HES3: variants seen among roughly 807,000 people sequenced by gnomAD.
The protein encoded by HES3 is transcription factor HES-3.
A neutral mutation model predicts 8.0 loss-of-function variants in HES3; 6 were observed. The observed-to-expected ratio is 0.75, with a 90% confidence interval of 0.41 to 1.49. The LOEUF (loss-of-function observed/expected upper bound fraction) is 1.49. HES3 is among the 40% of genes most tolerant of loss of function. The pLI is 0.01. For missense variants in HES3, 266 were observed against 260.9 expected, an observed-to-expected ratio of 1.02 and a Z score of -0.13; for synonymous variants, 121 against 119.4, an observed-to-expected ratio of 1.01 and a Z score of -0.09.
rs1385883833 is a variant in HES3, at chr1:6,245,252, C to G, written c.306C>G (p.Ser102Arg). 1.3e-6 allele frequency: 2 copies of G among 1,509,930 alleles called. No individual in the cohort carries two copies. The highest frequency in any genetic ancestry group is 2.5e-5 in the South Asian group (2 of 81,504). 93.5% of individuals were successfully genotyped at this position (1,509,930 alleles called of 1,614,324 possible). A position where few individuals can be genotyped will look rare whatever the true frequency, so the allele number is the denominator to read the frequency against. Residue 102 changes from serine to arginine, a missense_variant, in exon 4 of 4, where the codon AGC (serine) becomes AGG (arginine). Ser to Arg is a moderately radical substitution (Grantham distance 110, BLOSUM62 -1). Coordinates refer to ENST00000377898, the MANE Select transcript of HES3 (RefSeq NM_001024598.4). The part of the protein sequence containing the change: ...CPLVPESAAG[S>R]TMDSAGLGQE... ...TGGTGCCCGAGAGCGCCGCCGGCAG[C>G]ACCATGGACAGCGCCGGGTTGGGCC... is the stretch of plus-strand genomic sequence containing the variant.
rs564367771 is a variant in HES3, at chr1:6,245,099, C to T, written c.164-11C>T. Reference sequence around the variant, plus strand: ...CCCCTCCCTGTTTCTCGCGTCCGCTCTTCCCCACAGGGCTCTGGCCTGTGC... The same window carrying T: ...CCCCTCCCTGTTTCTCGCGTCCGCTTTTCCCCACAGGGCTCTGGCCTGTGC... On this transcript the variant is annotated splice_polypyrimidine_tract_variant and intron_variant, in intron 3 of 3. Transcript: ENST00000377898. 13 of 1,468,154 alleles carry T rather than the reference C, an allele frequency of 8.9e-6. No homozygotes were observed. Among genetic ancestry groups the T allele is most frequent in the African/African-American group, 8.7e-5 (6 of 69,324 alleles). The allele number at this position is 1,468,154 out of a possible 1,614,324, so 90.9% of individuals were successfully genotyped here. A position where few individuals can be genotyped will look rare whatever the true frequency, so the allele number is the denominator to read the frequency against.
In HES3 at chr1:6,245,298, C is replaced by G; in HGVS notation, c.352C>G (p.Arg118Gly). 4 of 1,501,280 alleles carry G rather than the reference C, an allele frequency of 2.7e-6. No individual in the cohort carries two copies. Among genetic ancestry groups the G allele is most frequent in the Non-Finnish European group, 3.5e-6 (4 of 1,133,832 alleles). The allele number at this position is 1,501,280 out of a possible 1,614,324, so 93.0% of individuals were successfully genotyped here. The stretch of plus-strand genomic sequence containing the variant: ...GGGCCAGGAGGCGCCCGCGCTGTTC[C>G]GCCCTTGCACCCCTGCCGTCTGGGC... ...GLGQEAPALF[R>G]PCTPAVWAPA... is the part of the protein sequence containing the mutation. The change falls in exon 4 of 4, where the codon CGC becomes GGC. Residue 118 changes from arginine (R) to glycine (G), a missense_variant. Transcript: ENST00000377898.
rs1442234856 is a variant in HES3 at position 6,245,260 on chromosome 1, A to G, written c.314A>G (p.Asp105Gly). The part of the protein sequence containing the change: ...VPESAAGSTM[D>G]SAGLGQEAPA... ...GAGAGCGCCGCCGGCAGCACCATGG[A>G]CAGCGCCGGGTTGGGCCAGGAGGCG... Residue 105 changes from aspartate (D) to glycine (G), a missense_variant, in exon 4 of 4, where the codon GAC (aspartate) becomes GGC (glycine). Physicochemically the swap from Asp to Gly is moderately conservative, Grantham distance 94. Transcript: ENST00000377898. 1 of 1,509,452 alleles carries G rather than the reference A, an allele frequency of 6.6e-7. No individual in the cohort carries two copies. Among genetic ancestry groups the G allele is most frequent in the African/African-American group, 1.4e-5 (1 of 69,910 alleles). The allele number at this position is 1,509,452 out of a possible 1,614,324, so 93.5% of individuals were successfully genotyped here.
At position 6,244,460 on chromosome 1, in the gene HES3, G is replaced by T. The variant is rs768343300; in HGVS notation, c.81+14G>T. 3 of 1,608,034 alleles carry T rather than the reference G, an allele frequency of 1.9e-6. No homozygotes were observed. The highest frequency in any genetic ancestry group is 1.7e-5 in the Admixed American group (1 of 59,962). ...TACTCGCACCAGGTGAGACTCAGGCGGGGTGGGGGTGGGTGGGTGATACGA... is the reference window on the plus strand; with the variant it reads ...TACTCGCACCAGGTGAGACTCAGGCTGGGTGGGGGTGGGTGGGTGATACGA... On this transcript the variant is annotated intron_variant, in intron 2 of 3. Transcript: ENST00000377898.
rs180888799 is a variant in HES3, at chr1:6,245,261, C to T, written c.315C>T (p.Asp105=). 7,146 of 1,508,658 alleles carry T rather than the reference C, an allele frequency of 4.7e-3. 27 individuals are homozygous for T. Among genetic ancestry groups the T allele is most frequent in the Middle Eastern group, 0.013 (68 of 5,284 alleles). 93.5% of individuals were successfully genotyped at this position (1,508,658 alleles called of 1,614,324 possible). Residue 105 remains aspartate, a synonymous_variant, in exon 4 of 4, where the codon GAC becomes GAT. Transcript: ENST00000377898. ...VPESAAGSTM[D]SAGLGQEAPA... Reference sequence around the variant, plus strand: ...AGAGCGCCGCCGGCAGCACCATGGACAGCGCCGGGTTGGGCCAGGAGGCGC... The same window carrying T: ...AGAGCGCCGCCGGCAGCACCATGGATAGCGCCGGGTTGGGCCAGGAGGCGC...
At position 6,244,394 on chromosome 1, in the gene HES3, A is replaced by G. The variant is rs114198341; in HGVS notation, c.29A>G (p.Asn10Ser). 0.012 allele frequency: 17,784 copies of G among 1,440,716 alleles called. 128 individuals carry two copies. Among genetic ancestry groups the G allele is most frequent in the Admixed American group, 0.027 (1,408 of 52,054 alleles). The allele number at this position is 1,440,716 out of a possible 1,614,324, so 89.2% of individuals were successfully genotyped here. Residue 10 changes from asparagine to serine, a missense_variant, in exon 2 of 4, where the codon AAT becomes AGT. Physicochemically the swap from Asn to Ser is conservative, Grantham distance 46. Transcript: ENST00000377898. Reference sequence around the variant, plus strand: ...GAGAAAAAGCGCCGGGCACGCATCAATGTGTCACTGGAGCAGCTCAAGTCG... The same window carrying G: ...GAGAAAAAGCGCCGGGCACGCATCAGTGTGTCACTGGAGCAGCTCAAGTCG... MEKKRRARI[N>S]VSLEQLKSLL...
intron 3 of HES3, 94 bp from the exon 4 acceptor site, chr1:6,245,016 T>TCCCCCCCCCCCCCCCCCCCCC: frequency 2.4e-5 from 1 of 41,288 alleles, no homozygotes; most frequent in South Asian, 2.2e-4. Context: ...CTTCCTCCCC[T>TCCCCCCCCCCCCCCCCCCCCC]CCCCTCCCTC....
chr1:6,245,397 T>C lies in HES3; in HGVS notation c.451T>C (p.Ser151Pro). 1 of 1,529,940 alleles carries C rather than the reference T, an allele frequency of 6.5e-7. No individual in the cohort carries two copies. The highest frequency in any genetic ancestry group is 2.5e-5 in the East Asian group (1 of 39,552). The allele number at this position is 1,529,940 out of a possible 1,614,324, so 94.8% of individuals were successfully genotyped here. The part of the protein sequence containing the change: ...LLLPESLPGS[S>P]ASVPPPQPAS... ...CCTCCCCGAAAGTCTCCCTGGCTCG[T>C]CCGCCAGCGTCCCCCCGCCGCAGCC... Residue 151 changes from serine (S) to proline (P), a missense_variant, in exon 4 of 4, where the codon TCC becomes CCC. By Grantham distance (74) the Ser-to-Pro change is moderately conservative. Coordinates refer to ENST00000377898, the MANE Select transcript of HES3 (RefSeq NM_001024598.4).
chr1:6,244,773 A>ATTT, intron 3 of HES3, 144 bp downstream of exon 3: 1 of 768,624 alleles, frequency 1.3e-6, no homozygotes, highest in Non-Finnish European at 2.2e-6. Flanking sequence ...AAGACAGCAA[A>ATTT]TATAAAGAGG....
In HES3 at chr1:6,244,410, G is replaced by A; in HGVS notation, c.45G>A (p.Gln15=). 3 of 1,566,382 alleles carry A rather than the reference G, an allele frequency of 1.9e-6. No homozygotes were observed. Among genetic ancestry groups the A allele is most frequent in the Non-Finnish European group, 2.6e-6 (3 of 1,152,770 alleles). ...RRARINVSLE[Q]LKSLLEKHYS... ...CACGCATCAATGTGTCACTGGAGCAGCTCAAGTCGCTGCTGGAGAAACACT... is the reference window on the plus strand; with the variant it reads ...CACGCATCAATGTGTCACTGGAGCAACTCAAGTCGCTGCTGGAGAAACACT... Residue 15 remains glutamine, a synonymous_variant, in exon 2 of 4, where the codon CAG becomes CAA. Transcript: ENST00000377898.
chr1:6,244,659 G>A, intron 3 of HES3, 30 bp downstream of exon 3: 1 of 1,586,220 alleles, frequency 6.3e-7, no homozygotes, highest in Non-Finnish European at 8.6e-7. Flanking sequence ...GGAGGAGGGG[G>A]AGGCTTGTGG....
chr1:6,244,640 G>A lies in HES3; in HGVS notation c.163+11G>A, dbSNP rs774612364. ...AGAACTCCTTGCAAGGTATAGGGGA[G>A]GGCTGGAGGGAGGAGGGGGAGGCTT... On this transcript the variant is annotated intron_variant, in intron 3 of 3. Transcript: ENST00000377898. The A allele has an allele frequency of 6.2e-7, 1 of 1,609,512 alleles. No individual in the cohort carries two copies. Among genetic ancestry groups the A allele is most frequent in the Non-Finnish European group, 8.5e-7 (1 of 1,176,928 alleles).
Position 6,244,287 on chromosome 1 carries a change from G to A in HES3, c.-16+46G>A, listed in dbSNP as rs1478970159. ...AGGGGCAGGCACCCTTCCCCGGGAG[G>A]TGTGGGGGGGTGCCGAGGGCAGGAG... is the stretch of plus-strand genomic sequence containing the variant. On this transcript the variant is annotated intron_variant, in intron 1 of 3. Coordinates refer to ENST00000377898, the MANE Select transcript of HES3 (RefSeq NM_001024598.4). 3 of 1,326,504 alleles carry A rather than the reference G, an allele frequency of 2.3e-6. No individual in the cohort carries two copies. The African/African-American group carries it at 4.3e-5, about 19-fold the overall frequency. The allele number at this position is 1,326,504 out of a possible 1,614,324, so 82.2% of individuals were successfully genotyped here.
Position 6,244,213 on chromosome 1 carries a change from G to C in HES3, c.-44G>C. 3 of 674,168 alleles carry C rather than the reference G, an allele frequency of 4.4e-6. No homozygotes were observed. Among genetic ancestry groups the C allele is most frequent in the Non-Finnish European group, 5.3e-6 (2 of 380,186 alleles). 41.8% of individuals were successfully genotyped at this position (674,168 alleles called of 1,614,324 possible). A position where few individuals can be genotyped will look rare whatever the true frequency, so the allele number is the denominator to read the frequency against. ...AACATGGGCACGGAGCCTGCTGCCC[G>C]GGGCAGCCTCCCCGGCAACTTCCGA... On this transcript the variant is annotated 5_prime_UTR_variant, in exon 1 of 4. Coordinates refer to ENST00000377898, the MANE Select transcript of HES3 (RefSeq NM_001024598.4).
Position 6,245,510 on chromosome 1 carries a change from G to T in HES3, c.*3G>T. 1 of 1,484,452 alleles carries T rather than the reference G, an allele frequency of 6.7e-7. No homozygotes were observed. Among genetic ancestry groups the T allele is most frequent in the Non-Finnish European group, 8.8e-7 (1 of 1,130,756 alleles). The allele number at this position is 1,484,452 out of a possible 1,614,324, so 92.0% of individuals were successfully genotyped here. On this transcript the variant is annotated 3_prime_UTR_variant, in exon 4 of 4. Coordinates refer to ENST00000377898, the MANE Select transcript of HES3 (RefSeq NM_001024598.4). ...GCCCCGGGGATGACCTGAACTGAAGGCGCTCCCTATTTGGTCTCGCGACAC... is the reference window on the plus strand; with the variant it reads ...GCCCCGGGGATGACCTGAACTGAAGTCGCTCCCTATTTGGTCTCGCGACAC...
In HES3 at chr1:6,244,336, G is replaced by A. The variant is rs1423819826; in HGVS notation, c.-15-15G>A. ...AGGGTGGCAGTCCTGCACTCTAAAGGCTGTTCATCTGCAGATTTCCAAGCC... is the reference window on the plus strand; with the variant it reads ...AGGGTGGCAGTCCTGCACTCTAAAGACTGTTCATCTGCAGATTTCCAAGCC... On this transcript the variant is annotated splice_polypyrimidine_tract_variant and intron_variant, in intron 1 of 3. Coordinates refer to ENST00000377898, the MANE Select transcript of HES3 (RefSeq NM_001024598.4). 6.2e-7 allele frequency: 1 copy of A among 1,609,570 alleles called. No individual in the cohort carries two copies. Among genetic ancestry groups the A allele is most frequent in the East Asian group, 2.2e-5 (1 of 44,852 alleles).
At chr1:6,244,691 A>T in intron 3 of HES3, 62 bp downstream of exon 3, 1 of 1,448,050 alleles carries the variant, frequency 6.9e-7, no homozygotes, top group Non-Finnish European at 9.6e-7. Context: ...GGGATGCACA[A>T]GGCCAAATAA....
At position 6,244,338 on chromosome 1, in the gene HES3, T is replaced by C; in HGVS notation, c.-15-13T>C. Reference sequence around the variant, plus strand: ...GGTGGCAGTCCTGCACTCTAAAGGCTGTTCATCTGCAGATTTCCAAGCCGC... The same window carrying C: ...GGTGGCAGTCCTGCACTCTAAAGGCCGTTCATCTGCAGATTTCCAAGCCGC... On this transcript the variant is annotated splice_polypyrimidine_tract_variant and intron_variant, in intron 1 of 3. Coordinates refer to ENST00000377898, the MANE Select transcript of HES3 (RefSeq NM_001024598.4). The C allele has an allele frequency of 6.2e-7, 1 of 1,610,528 alleles. No individual in the cohort carries two copies.
Position 6,245,170 on chromosome 1 carries a change from G to A in HES3, c.224G>A (p.Gly75Asp). ...QPSGFRSCLP[G>D]VSQLLRRGDE... Reference sequence around the variant, plus strand: ...TCGGGCTTCCGCAGCTGCCTGCCCGGCGTGAGCCAGCTCCTTCGGCGCGGA... The same window carrying A: ...TCGGGCTTCCGCAGCTGCCTGCCCGACGTGAGCCAGCTCCTTCGGCGCGGA... The change falls in exon 4 of 4, where the codon GGC (glycine) becomes GAC (aspartate). Residue 75 changes from glycine (G) to aspartate (D), a missense_variant. Gly to Asp is a moderately conservative substitution (Grantham distance 94). Transcript: ENST00000377898. 2 of 1,528,806 alleles carry A rather than the reference G, an allele frequency of 1.3e-6. No homozygotes were observed. Among genetic ancestry groups the A allele is most frequent in the Non-Finnish European group, 1.7e-6 (2 of 1,144,948 alleles). The allele number at this position is 1,528,806 out of a possible 1,614,324, so 94.7% of individuals were successfully genotyped here. A position where few individuals can be genotyped will look rare whatever the true frequency, so the allele number is the denominator to read the frequency against.
Sources: gnomAD v4.1 joint callset for allele counts on GRCh38, gnomAD v4.1.1 for gene constraint, MANE v1.5 for transcripts, NCBI Gene and HGNC (gene_info 2026-07-23, HGNC 2026-07-21) for gene names.